Variants in IRAK2 observed in about 807,000 individuals in gnomAD.
The protein encoded by IRAK2 is interleukin 1 receptor associated kinase 2.
In IRAK2, 57 loss-of-function variants were observed where a neutral mutation model predicts 72.0. The observed-to-expected ratio is 0.79, with a 90% CI of 0.64 to 0.99. The LOEUF is 0.99. IRAK2 is among the 50% of genes least tolerant of loss of function. The pLI is 0.00. For missense variants in IRAK2, 790 were observed against 794.4 expected (o/e 0.99, Z 0.07); for synonymous variants, 293 against 312.7 (o/e 0.94, Z 0.67).
At chr3:10,235,103 G>A (rs554753170) in intron 11 of IRAK2, among the ~76,000 whole-genome samples, 62 of 152,214 alleles carry the variant, frequency 4.1e-4, no homozygotes, top group Middle Eastern at 3.4e-3. Flanking sequence ...ATGGTGGGGC[G>A]GTCCAGCATG....
chr3:10,206,268 G>C (rs1697432080), intron 3 of IRAK2, among the ~76,000 whole-genome samples: 1 of 152,144 alleles, frequency 6.6e-6, no homozygotes, highest in African/African-American at 2.4e-5. Context: ...AGTGCCTGGG[G>C]AACAGCCCCT....
intron 9 of IRAK2, among the ~76,000 whole-genome samples, chr3:10,225,543 C>A (rs539143948): frequency 6.6e-6 from 1 of 152,068 alleles, no homozygotes; most frequent in Non-Finnish European, 1.5e-5. Flanking sequence ...CGAGTGGATG[C>A]GCTAATGAAT....
intron 3 of IRAK2, among the ~76,000 whole-genome samples, chr3:10,208,635 C>T (rs1042845893): frequency 9.9e-5 from 15 of 151,628 alleles, no homozygotes; most frequent in East Asian, 2.0e-4. Flanking sequence ...TGGTGGCGGG[C>T]GCCTGTAGTC....
intron 1 of IRAK2, among the ~76,000 whole-genome samples, chr3:10,170,890 A>G (rs1696784854): frequency 6.6e-6 from 1 of 152,240 alleles, no homozygotes; most frequent in African/African-American, 2.4e-5. Flanking sequence ...AGCTGAATGA[A>G]CGAGTGACTG....
intron 3 of IRAK2, among the ~76,000 whole-genome samples, chr3:10,206,102 G>A (rs1463273004): frequency 6.6e-6 from 1 of 151,690 alleles, no homozygotes; most frequent in Admixed American, 6.6e-5. Flanking sequence ...AATGCAGAGG[G>A]AGCTGGGCAA....
At chr3:10,234,731 G>A (rs1443260006) in intron 11 of IRAK2, 72 bp downstream of exon 11, 6 of 1,318,162 alleles carry the variant, frequency 4.6e-6, no homozygotes, top group African/African-American at 2.9e-5. Flanking sequence ...CGGCCCCTTC[G>A]CAGAGGCCTG....
intron 1 of IRAK2, among the ~76,000 whole-genome samples, chr3:10,176,096 C>T (rs1260920999): frequency 1.0e-5 from 1 of 98,218 alleles, no homozygotes; most frequent in Non-Finnish European, 2.0e-5. Context: ...TTTTGGTGAA[C>T]AACCATCAAT....
chr3:10,180,087 T>C (rs1696937790), intron 2 of IRAK2, among the ~76,000 whole-genome samples: 1 of 152,146 alleles, frequency 6.6e-6, no homozygotes, highest in Non-Finnish European at 1.5e-5. Flanking sequence ...TAGCTGGTAA[T>C]ACCTCCCTAC....
At chr3:10,207,539 C>A (rs773305406) in intron 3 of IRAK2, among the ~76,000 whole-genome samples, 9 of 152,192 alleles carry the variant, frequency 5.9e-5, no homozygotes, top group African/African-American at 1.7e-4. Context: ...CTGCGCCCAC[C>A]GAGGAGCCCC....
intron 10 of IRAK2, among the ~76,000 whole-genome samples, chr3:10,232,197 C>T (rs889222830): frequency 3.3e-5 from 5 of 152,200 alleles, no homozygotes; most frequent in Non-Finnish European, 7.3e-5. Context: ...TTTTGGATGT[C>T]GTTGGATTTT....
chr3:10,222,582 C>T, intron 8 of IRAK2, 54 bp from the exon 9 acceptor site: 3 of 1,488,774 alleles, frequency 2.0e-6, no homozygotes, highest in Admixed American at 1.7e-5. Context: ...TCCATGGCAA[C>T]TTGTTGTTAT....
intron 10 of IRAK2, among the ~76,000 whole-genome samples, chr3:10,230,076 C>T (rs1174601563): frequency 6.6e-6 from 1 of 152,018 alleles, no homozygotes; most frequent in East Asian, 1.9e-4. Flanking sequence ...CCAGCCTGGG[C>T]AACAGAGTGA....
chr3:10,165,835 A>G (rs917760427), intron 1 of IRAK2, among the ~76,000 whole-genome samples: 1 of 144,976 alleles, frequency 6.9e-6, no homozygotes, highest in African/African-American at 2.6e-5. Context: ...GGTTCACGCC[A>G]TTCTCCTGCC....
intron 11 of IRAK2, among the ~76,000 whole-genome samples, chr3:10,237,664 A>G (rs1466178667): frequency 3.3e-5 from 5 of 151,820 alleles, no homozygotes; most frequent in Non-Finnish European, 4.4e-5. Context: ...AAAATTAGCC[A>G]GGCGCGGTGG....
At chr3:10,230,507 G>T (rs764360383) in intron 10 of IRAK2, among the ~76,000 whole-genome samples, 28 of 152,182 alleles carry the variant, frequency 1.8e-4, no homozygotes, top group Middle Eastern at 3.4e-3. Context: ...TTTATTGAAG[G>T]TTAAATAATA....
chr3:10,179,198 T>C lies in IRAK2; in HGVS notation c.277+1178T>C, dbSNP rs534464434. 3.9e-5 allele frequency among the ~76,000 whole-genome samples: 6 copies of C among 152,268 alleles called. 1 individual carries two copies. The South Asian group carries it at 1.0e-3, about 26-fold the overall frequency. On this transcript the variant is annotated intron_variant, in intron 2 of 12. Coordinates refer to ENST00000256458, the MANE Select transcript of IRAK2 (RefSeq NM_001570.4). The stretch of plus-strand genomic sequence containing the variant: ...CACATTCTTTCTAATAGCTACATTG[T>C]ATTCCTTTGACAGATGCTCTATGAT...
chr3:10,164,948 G>A lies in IRAK2; in HGVS notation c.-7G>A, dbSNP rs768720778. ...GTCCCGCGCCGGAGCCGGCCCCGTA[G>A]CGTGCCATGGCCTGCTACATCTACC... On this transcript the variant is annotated 5_prime_UTR_variant, in exon 1 of 13. Transcript: ENST00000256458. The A allele has an allele frequency of 1.2e-6, 2 of 1,604,444 alleles. No homozygotes were observed. Among genetic ancestry groups the A allele is most frequent in the African/African-American group, 1.3e-5 (1 of 74,254 alleles).
intron 2 of IRAK2, among the ~76,000 whole-genome samples, chr3:10,198,855 C>T (rs1171895966): frequency 2.0e-5 from 3 of 152,124 alleles, no homozygotes; most frequent in Non-Finnish European, 4.4e-5. Context: ...CTCTGTGTGA[C>T]ATCAAGCGAG....
At chr3:10,182,855 CTG>C (rs1696982480) in intron 2 of IRAK2, among the ~76,000 whole-genome samples, 1 of 151,748 alleles carries the variant, frequency 6.6e-6, no homozygotes, top group Non-Finnish European at 1.5e-5. Context: ...ACTGCAACCT[CTG>C]CTTCTGGAGT....
Sources: gnomAD v4.1 joint callset for allele counts (sites outside exome capture counted in the v4.1 genomes callset) on GRCh38, gnomAD v4.1.1 for gene constraint, MANE v1.5 for transcripts, NCBI Gene and HGNC (gene_info 2026-07-23, HGNC 2026-07-21) for gene names.